Variants in CRYBG1 observed in about 807,000 individuals in gnomAD.
CRYBG1 encodes the protein beta/gamma crystallin domain-containing protein 1.
Under a neutral mutation model 189.2 loss-of-function variants are expected in CRYBG1, and 139 were observed. The ratio of observed to expected loss-of-function variants is 0.73; its 90% confidence interval spans 0.64 to 0.85. The LOEUF (loss-of-function observed/expected upper bound fraction) is 0.85, where lower values mean the gene tolerates loss of function less well. Ranked by LOEUF, CRYBG1 falls within the 40% of genes least tolerant of loss-of-function variation. The pLI is 0.00. For missense variants in CRYBG1, 2,611 were observed against 2,675.8 expected (o/e 0.98, Z 0.53); for synonymous variants, 1,023 against 1,017.1 (o/e 1.01, Z -0.11).
chr6:106,489,762 C>T (rs1299974457), intron 2 of CRYBG1, among the ~76,000 whole-genome samples: 2 of 82,344 alleles, frequency 2.4e-5, no homozygotes, highest in East Asian at 3.0e-4. Context: ...CACTGCACTC[C>T]AGCCTGGGTG....
At chr6:106,426,570 CTT>C (rs58961402) in intron 1 of CRYBG1, among the ~76,000 whole-genome samples, 454 of 152,312 alleles carry the variant, frequency 3.0e-3, no homozygotes, top group African/African-American at 0.01. Flanking sequence ...TAATGACACT[CTT>C]TTCTTTTTTT....
chr6:106,442,344 T>C (rs1771580633), intron 1 of CRYBG1, among the ~76,000 whole-genome samples: 2 of 152,118 alleles, frequency 1.3e-5, no homozygotes, highest in African/African-American at 4.8e-5. Context: ...CGTGCCAGGT[T>C]GTTTAGGGAC....
chr6:106,370,083 G>A (rs1035230400), intron 1 of CRYBG1, among the ~76,000 whole-genome samples: 3 of 152,086 alleles, frequency 2.0e-5, no homozygotes, highest in African/African-American at 7.2e-5. Flanking sequence ...GATAAATTAA[G>A]TTTTGGTACT....
intron 1 of CRYBG1, among the ~76,000 whole-genome samples, chr6:106,374,611 C>T (rs888743851): frequency 6.6e-6 from 1 of 152,138 alleles, no homozygotes; most frequent in Non-Finnish European, 1.5e-5. Flanking sequence ...GAACTTAATC[C>T]TCACAGAGGA....
chr6:106,554,722 A>G (rs947653714), intron 16 of CRYBG1, among the ~76,000 whole-genome samples: 21 of 152,068 alleles, frequency 1.4e-4, no homozygotes, highest in African/African-American at 4.8e-4. Context: ...TTCATTTATT[A>G]CCTCCAGTCC....
intron 2 of CRYBG1, among the ~76,000 whole-genome samples, chr6:106,460,234 G>A (rs1022473352): frequency 1.3e-5 from 2 of 151,540 alleles, no homozygotes; most frequent in Non-Finnish European, 2.9e-5. Context: ...CTCGTGATCC[G>A]CCCGCCTCTG....
At chr6:106,557,180 G>A (rs1774568271) in intron 17 of CRYBG1, among the ~76,000 whole-genome samples, 1 of 152,184 alleles carries the variant, frequency 6.6e-6, no homozygotes, top group African/African-American at 2.4e-5. Flanking sequence ...AAAGTGCAAA[G>A]TAGTAATACT....
chr6:106,366,787 G>T (rs1772008064), intron 1 of CRYBG1, among the ~76,000 whole-genome samples: 1 of 152,254 alleles, frequency 6.6e-6, no homozygotes, highest in African/African-American at 2.4e-5. Context: ...TAGAGGAAAG[G>T]TGGTGGTCAG....
intron 1 of CRYBG1, among the ~76,000 whole-genome samples, chr6:106,433,757 GTGTATATATATATATGTA>G (rs1205720168): frequency 3.4e-4 from 8 of 23,540 alleles, no homozygotes; most frequent in African/African-American, 7.8e-4. Flanking sequence ...ATATATATAT[GTGTATATATATATATGTA>G]TATATATATA....
chr6:106,417,670 C>T (rs1204493615), intron 1 of CRYBG1, among the ~76,000 whole-genome samples: 2 of 152,262 alleles, frequency 1.3e-5, no homozygotes, highest in Non-Finnish European at 2.9e-5. Context: ...CAGGTGCATC[C>T]TGTCTACTTG....
Position 106,519,161 on chromosome 6 carries a change from T to G in CRYBG1, c.1953T>G (p.Asn651Lys), listed in dbSNP as rs149999427. The part of the protein sequence containing the change: ...LPAKPKHVEL[N>K]LKTPKNLDSL... ...CCAAGCCCAAACATGTGGAACTAAA[T>G]CTTAAAACCCCTAAGAATCTTGACA... Residue 651 changes from asparagine (N) to lysine (K), a missense_variant, in exon 4 of 22, where the codon AAT becomes AAG. Transcript: ENST00000633556. The G allele has an allele frequency of 1.2e-4, 195 of 1,613,918 alleles. No individual in the cohort carries two copies. The highest frequency in any genetic ancestry group is 4.9e-4 in the Middle Eastern group (3 of 6,062).
At chr6:106,510,738 A>G (rs187579702) in intron 2 of CRYBG1, among the ~76,000 whole-genome samples, 270 of 152,350 alleles carry the variant, frequency 1.8e-3, no homozygotes, top group African/African-American at 5.8e-3. Context: ...TTCACATGGT[A>G]GGAACTCCCA....
intron 6 of CRYBG1, among the ~76,000 whole-genome samples, chr6:106,526,230 T>C (rs1773735919): frequency 6.6e-6 from 1 of 152,182 alleles, no homozygotes; most frequent in Non-Finnish European, 1.5e-5. Context: ...GCAGCTTTCC[T>C]ATTAGATTTT....
At chr6:106,517,212 T>C (rs984862241) in intron 3 of CRYBG1, among the ~76,000 whole-genome samples, 1 of 150,640 alleles carries the variant, frequency 6.6e-6, no homozygotes, top group Non-Finnish European at 1.5e-5. Context: ...GGTCTCAGTA[T>C]GTTGCCCAGG....
intron 1 of CRYBG1, among the ~76,000 whole-genome samples, chr6:106,439,931 C>T (rs1314739535): frequency 2.6e-5 from 4 of 152,112 alleles, no homozygotes; most frequent in African/African-American, 9.7e-5. Flanking sequence ...TGGTTTTGAC[C>T]TACAAAAATG....
intron 2 of CRYBG1, among the ~76,000 whole-genome samples, chr6:106,510,558 C>T (rs530430305): frequency 2.3e-4 from 35 of 151,966 alleles, no homozygotes; most frequent in Admixed American, 1.0e-3. Context: ...GCCCCTGGGG[C>T]TCCAGCCGTG....
chr6:106,521,154 T>G lies in CRYBG1; in HGVS notation c.3946T>G (p.Ser1316Ala), dbSNP rs375860758. The change falls in exon 4 of 22, where the codon TCG becomes GCG. Residue 1316 changes from serine to alanine, a missense_variant. Physicochemically the swap from Ser to Ala is moderately conservative, Grantham distance 99. Around this residue, in one of 3 missense-constraint regions of CRYBG1, gnomAD observed 1,622 missense variants for 1,735.0 expected, o/e 0.93. Coordinates refer to ENST00000633556, the MANE Select transcript of CRYBG1 (RefSeq NM_001371242.2). ...DNSLKVFNFN[S>A]SSTSHSSLKS... ...CTCCTTAAAGGTCTTCAATTTCAACTCGTCAAGTACATCACACTCCAGTTT... is the reference window on the plus strand; with the variant it reads ...CTCCTTAAAGGTCTTCAATTTCAACGCGTCAAGTACATCACACTCCAGTTT... The G allele has an allele frequency of 3.2e-5, 52 of 1,613,976 alleles. No individual in the cohort carries two copies. In the African/African-American group the frequency reaches 5.3e-4, roughly 17 times the overall value.
intron 1 of CRYBG1, among the ~76,000 whole-genome samples, chr6:106,426,277 C>T (rs1388233898): frequency 6.6e-6 from 1 of 152,156 alleles, no homozygotes; most frequent in East Asian, 1.9e-4. Context: ...TTCCCTCCTT[C>T]CCAAGTCATT....
intron 2 of CRYBG1, among the ~76,000 whole-genome samples, chr6:106,489,731 T>G (rs368819252): frequency 5.3e-4 from 30 of 56,596 alleles, no homozygotes; most frequent in African/African-American, 9.0e-4. Context: ...AGGATGTTGA[T>G]GCAGTGAAAC....
Sources: gnomAD v4.1 joint callset for allele counts (sites outside exome capture counted in the v4.1 genomes callset) on GRCh38, gnomAD v4.1.1 for gene constraint, gnomAD v4.1.1 regional missense constraint, MANE v1.5 for transcripts, NCBI Gene and HGNC (gene_info 2026-07-23, HGNC 2026-07-21) for gene names.